The following DLG2 variants were observed in gnomAD, a reference collection of about 807,000 sequenced individuals.
The protein encoded by DLG2 is discs large MAGUK scaffold protein 2.
Under a neutral mutation model 132.5 loss-of-function variants are expected in DLG2, and 45 were observed. The ratio of observed to expected loss-of-function variants is 0.34; its 90% CI spans 0.27 to 0.44. DLG2 has a LOEUF of 0.44. DLG2 is among the 20% of genes least tolerant of loss of function. The pLI, the probability that DLG2 is intolerant of heterozygous loss-of-function variation, is 1.00. For synonymous variants in DLG2, 424 were observed against 419.6 expected, an observed-to-expected ratio of 1.01 and a Z score of -0.13; for missense variants, 1,045 against 1,196.9, an observed-to-expected ratio of 0.87 and a Z score of 1.87.
intron 15 of DLG2, among the ~76,000 whole-genome samples, chr11:83,929,064 T>A (rs1423804718): frequency 7.0e-6 from 1 of 141,860 alleles, no homozygotes; most frequent in Non-Finnish European, 1.5e-5. Context: ...TAGTTAGACT[T>A]TAATTATTGC....
At chr11:83,625,011 A>G (rs766231691) in intron 19 of DLG2, among the ~76,000 whole-genome samples, 1 of 152,316 alleles carries the variant, frequency 6.6e-6, no homozygotes, top group African/African-American at 2.4e-5. Flanking sequence ...AGAAGTTTCT[A>G]TTTCCTATTC....
intron 19 of DLG2, among the ~76,000 whole-genome samples, chr11:83,549,722 C>G (rs1398801586): frequency 6.6e-6 from 1 of 152,130 alleles, no homozygotes; most frequent in African/African-American, 2.4e-5. Context: ...TTTGTATTAT[C>G]TTCTTAAAAA....
chr11:83,532,699 T>C lies in DLG2; in HGVS notation c.2193+9A>G, dbSNP rs376108412. The C allele has an allele frequency of 6.7e-5, 108 of 1,612,248 alleles. No individual in the cohort carries two copies. In the African/African-American group the frequency reaches 1.3e-3, roughly 19 times the overall value. On this transcript the variant is annotated intron_variant, in intron 21 of 27. Transcript: ENST00000376104. ...AGAGAACTTGATGTTTCCATCATTT[T>C]GTACCTACCCCTTTCGAATCAATCA...
chr11:84,908,630 G>C (rs1450080406), intron 6 of DLG2, among the ~76,000 whole-genome samples: 2 of 151,926 alleles, frequency 1.3e-5, no homozygotes, highest in Non-Finnish European at 2.9e-5. Flanking sequence ...TCATCGGAAA[G>C]AAAGACTGGG....
At chr11:83,485,209 C>T (rs1362757013) in intron 21 of DLG2, among the ~76,000 whole-genome samples, 1 of 152,144 alleles carries the variant, frequency 6.6e-6, no homozygotes, top group Non-Finnish European at 1.5e-5. Context: ...CACATAGATA[C>T]ATAATACGAT....
chr11:84,317,439 T>C, intron 7 of DLG2: 1 of 1,066,340 alleles, frequency 9.4e-7, no homozygotes. Flanking sequence ...ACAGCTGGGC[T>C]ACAAGACTGT....
chr11:85,564,101 T>C (rs907040049), intron 3 of DLG2, among the ~76,000 whole-genome samples: 4 of 152,040 alleles, frequency 2.6e-5, no homozygotes, highest in African/African-American at 9.7e-5. Context: ...TTTCAAAAAG[T>C]TTTTTCCATT....
At chr11:85,554,991 C>A (rs1293520770) in intron 3 of DLG2, among the ~76,000 whole-genome samples, 1 of 151,644 alleles carries the variant, frequency 6.6e-6, no homozygotes, top group Non-Finnish European at 1.5e-5. Context: ...CCTAGCCCCC[C>A]TGCCCACCAA....
intron 6 of DLG2, among the ~76,000 whole-genome samples, chr11:85,104,872 C>CAAAAAAAAAAAAAA (rs56043190): frequency 1.8e-5 from 1 of 56,044 alleles, no homozygotes; most frequent in African/African-American, 6.8e-5. Context: ...GGCTGAATGG[C>CAAAAAAAAAAAAAA]AAAAAAAAAA....
At chr11:84,420,828 C>T (rs1447715194) in intron 7 of DLG2, among the ~76,000 whole-genome samples, 1 of 151,066 alleles carries the variant, frequency 6.6e-6, no homozygotes. Context: ...GCCACCACGC[C>T]CGGCTAATTT....
intron 6 of DLG2, among the ~76,000 whole-genome samples, chr11:84,893,472 T>C (rs1371101688): frequency 1.3e-5 from 2 of 152,174 alleles, no homozygotes; most frequent in Non-Finnish European, 2.9e-5. Context: ...GAAATCTTCA[T>C]GGGGAGGGAA....
intron 15 of DLG2, among the ~76,000 whole-genome samples, chr11:83,898,345 T>C (rs2072385572): frequency 6.6e-6 from 1 of 152,114 alleles, no homozygotes; most frequent in South Asian, 2.1e-4. Flanking sequence ...AAGAAAACTA[T>C]AATGACTGAT....
At chr11:84,341,353 T>C (rs1417087925) in intron 7 of DLG2, among the ~76,000 whole-genome samples, 6 of 151,850 alleles carry the variant, frequency 4.0e-5, no homozygotes, top group Admixed American at 1.3e-4. Flanking sequence ...CCTTAACTAA[T>C]AAAAGAAAAA....
intron 6 of DLG2, among the ~76,000 whole-genome samples, chr11:85,025,573 T>C (rs3862780): frequency 0.52 from 79,193 of 152,012 alleles, 21,068 homozygotes; most frequent in East Asian, 0.69. Flanking sequence ...TTAATATAAT[T>C]AAAATGCCTA....
intron 3 of DLG2, among the ~76,000 whole-genome samples, chr11:85,461,760 G>A (rs1356228585): frequency 6.6e-6 from 1 of 152,112 alleles, no homozygotes; most frequent in East Asian, 1.9e-4. Context: ...CCCTATTATG[G>A]ACTGAATAAA....
intron 3 of DLG2, among the ~76,000 whole-genome samples, chr11:85,401,323 T>G (rs193229325): frequency 6.6e-6 from 1 of 152,246 alleles, no homozygotes; most frequent in African/African-American, 2.4e-5. Context: ...AAACTAGGTG[T>G]TGATGGAACG....
intron 6 of DLG2, among the ~76,000 whole-genome samples, chr11:84,668,105 G>T (rs1233283654): frequency 6.6e-6 from 1 of 152,054 alleles, no homozygotes; most frequent in South Asian, 2.1e-4. Context: ...GATAAAGATA[G>T]TAACGCCCAT....
intron 24 of DLG2, among the ~76,000 whole-genome samples, chr11:83,470,536 A>G (rs1041153759): frequency 6.6e-6 from 1 of 152,212 alleles, no homozygotes; most frequent in African/African-American, 2.4e-5. Flanking sequence ...AAGAATGCTT[A>G]AGTACCTTCT....
chr11:83,515,442 C>G (rs1209110676), intron 21 of DLG2, among the ~76,000 whole-genome samples: 1 of 152,024 alleles, frequency 6.6e-6, no homozygotes, highest in African/African-American at 2.4e-5. Context: ...TGCTAGTGGT[C>G]TATCGATTTT....
Sources: gnomAD v4.1 joint callset for allele counts (sites outside exome capture counted in the v4.1 genomes callset) on GRCh38, gnomAD v4.1.1 for gene constraint, MANE v1.5 for transcripts, NCBI Gene and HGNC (gene_info 2026-07-23, HGNC 2026-07-21) for gene names.